The following NELL2 variants were observed in gnomAD, a reference collection of about 807,000 sequenced individuals.
NELL2 encodes the protein neural EGFL like 2.
In NELL2, 41 loss-of-function variants were observed where a neutral mutation model predicts 109.6. The observed-to-expected ratio is 0.37, with a 90% CI of 0.29 to 0.49. The LOEUF is 0.49. Ranked by LOEUF, NELL2 falls within the 20% of genes least tolerant of loss-of-function variation. The pLI, the probability that NELL2 is intolerant of heterozygous loss-of-function variation, is 0.98. For missense variants in NELL2, 900 were observed against 1,008.3 expected (o/e 0.89, Z 1.45); for synonymous variants, 355 against 344.7 (o/e 1.03, Z -0.33).
intron 1 of NELL2, among the ~76,000 whole-genome samples, chr12:44,905,996 A>G (rs1407110595): frequency 6.6e-6 from 1 of 152,116 alleles, no homozygotes; most frequent in Non-Finnish European, 1.5e-5. Flanking sequence ...AAACAGTAAT[A>G]CGTGCTATGG....
chr12:44,854,706 G>A (rs1944630953), intron 2 of NELL2, among the ~76,000 whole-genome samples: 1 of 148,036 alleles, frequency 6.8e-6, no homozygotes, highest in Non-Finnish European at 1.5e-5. Flanking sequence ...GTGGATGGAT[G>A]GGTGGGTGGG....
At chr12:44,765,518 G>A (rs1388067879) in intron 9 of NELL2, among the ~76,000 whole-genome samples, 2 of 152,104 alleles carry the variant, frequency 1.3e-5, no homozygotes, top group South Asian at 2.1e-4. Flanking sequence ...GAGGTGAAAC[G>A]GGTGTGAACA....
At chr12:44,891,495 T>C (rs1945533759) in intron 1 of NELL2, among the ~76,000 whole-genome samples, 1 of 152,238 alleles carries the variant, frequency 6.6e-6, no homozygotes, top group Admixed American at 6.5e-5. Flanking sequence ...TGGGGCCATG[T>C]TCCTTACAAG....
At chr12:44,794,554 T>C (rs1345252848) in intron 3 of NELL2, among the ~76,000 whole-genome samples, 2 of 152,180 alleles carry the variant, frequency 1.3e-5, no homozygotes, top group Admixed American at 1.3e-4. Flanking sequence ...TCCTGTTTGC[T>C]GACCCATCAG....
intron 2 of NELL2, among the ~76,000 whole-genome samples, chr12:44,867,507 T>G (rs2048683872): frequency 6.6e-6 from 1 of 152,150 alleles, no homozygotes. Flanking sequence ...ATAACAAATC[T>G]ACAGCTAACA....
intron 13 of NELL2, among the ~76,000 whole-genome samples, chr12:44,644,580 G>GTATATATATATATATATATATA (rs138161908): frequency 3.6e-5 from 3 of 84,392 alleles, no homozygotes; most frequent in Admixed American, 1.5e-4. Flanking sequence ...ACAAAGTAAA[G>GTATATATATATATATATATATA]TATATATATA....
chr12:44,639,773 A>G (rs528918100), intron 13 of NELL2, among the ~76,000 whole-genome samples: 1 of 152,256 alleles, frequency 6.6e-6, no homozygotes, highest in East Asian at 1.9e-4. Context: ...TAAAACATCA[A>G]CAGTATCATG....
chr12:44,850,600 C>T (rs763676641), intron 2 of NELL2, among the ~76,000 whole-genome samples: 19 of 152,126 alleles, frequency 1.2e-4, no homozygotes, highest in South Asian at 2.1e-4. Context: ...ATTCTTTTTA[C>T]GTAAAAAGTT....
chr12:44,719,263 A>G (rs964389549), intron 9 of NELL2, among the ~76,000 whole-genome samples: 5 of 152,376 alleles, frequency 3.3e-5, no homozygotes, highest in Admixed American at 1.3e-4. Flanking sequence ...AGAAGCCAGT[A>G]AAACTCTGAA....
intron 9 of NELL2, among the ~76,000 whole-genome samples, chr12:44,761,847 A>T (rs781553562): frequency 6.6e-6 from 1 of 152,164 alleles, no homozygotes; most frequent in Non-Finnish European, 1.5e-5. Flanking sequence ...ATGGACGTAC[A>T]AAAGGAAATA....
chr12:44,791,956 G>C (rs1168580553), intron 3 of NELL2, among the ~76,000 whole-genome samples: 1 of 103,704 alleles, frequency 9.6e-6, no homozygotes, highest in Non-Finnish European at 2.2e-5. Flanking sequence ...AATTATTACA[G>C]ACAAAAAAAA....
intron 9 of NELL2, among the ~76,000 whole-genome samples, chr12:44,764,799 T>A (rs1268483245): frequency 6.6e-6 from 1 of 151,278 alleles, no homozygotes; most frequent in Non-Finnish European, 1.5e-5. Context: ...GCTTAAAACA[T>A]CCCTAAAACA....
At chr12:44,857,568 A>C (rs775602838) in intron 2 of NELL2, among the ~76,000 whole-genome samples, 1 of 152,182 alleles carries the variant, frequency 6.6e-6, no homozygotes, top group Non-Finnish European at 1.5e-5. Context: ...AAGGAACGCC[A>C]AGGTTATCCA....
intron 15 of NELL2, among the ~76,000 whole-genome samples, chr12:44,584,049 C>T (rs1592156346): frequency 1.3e-5 from 2 of 152,220 alleles, no homozygotes; most frequent in African/African-American, 4.8e-5. Context: ...GCTGGGATTA[C>T]AGGCGTGAGC....
At chr12:44,600,617 C>T (rs145394341) in intron 15 of NELL2, among the ~76,000 whole-genome samples, 14 of 152,170 alleles carry the variant, frequency 9.2e-5, no homozygotes, top group African/African-American at 3.1e-4. Flanking sequence ...GGGCACCCCC[C>T]AAAAAGAGAA....
At chr12:44,868,971 G>A (rs1945088038) in intron 2 of NELL2, among the ~76,000 whole-genome samples, 1 of 152,008 alleles carries the variant, frequency 6.6e-6, no homozygotes, top group African/African-American at 2.4e-5. Flanking sequence ...TCAAAATATT[G>A]TGTTGTACAC....
intron 2 of NELL2, among the ~76,000 whole-genome samples, chr12:44,818,481 G>T (rs374297894): frequency 1.3e-5 from 2 of 152,112 alleles, no homozygotes; most frequent in Non-Finnish European, 2.9e-5. Context: ...GCTCAGATCC[G>T]CAGAGAGGTT....
At chr12:44,680,834 A>T (rs1948471223) in intron 12 of NELL2, among the ~76,000 whole-genome samples, 1 of 152,198 alleles carries the variant, frequency 6.6e-6, no homozygotes, top group South Asian at 2.1e-4. Context: ...GTCCCCTAAA[A>T]ACTTATTCTT....
intron 3 of NELL2, among the ~76,000 whole-genome samples, chr12:44,808,747 C>G (rs571721642): frequency 9.9e-5 from 15 of 151,924 alleles, no homozygotes; most frequent in African/African-American, 2.9e-4. Flanking sequence ...TTACTAATGT[C>G]AAGAAAGAAA....
Sources: allele counts gnomAD v4.1 joint callset (sites outside exome capture counted in the v4.1 genomes callset), GRCh38; gene constraint gnomAD v4.1.1; transcripts MANE v1.5; gene names NCBI Gene and HGNC (gene_info 2026-07-23, HGNC 2026-07-21).